Variants in PPP1R14C observed in about 807,000 individuals in gnomAD.
PPP1R14C encodes protein phosphatase 1 regulatory subunit 14C.
PPP1R14C carries 16 observed loss-of-function variants against 20.4 expected under a neutral mutation model. The observed-to-expected ratio is 0.78, with a 90% CI of 0.53 to 1.19. PPP1R14C has a LOEUF of 1.19. Ranked by LOEUF, PPP1R14C falls within the 50% of genes most tolerant of loss-of-function variation. The pLI is 0.00. For synonymous variants in PPP1R14C, 91 were observed against 91.0 expected (o/e 1.00, Z 0.00); for missense variants, 211 against 220.1 (o/e 0.96, Z 0.26).
chr6:150,188,111 G>A (rs1777698611), intron 1 of PPP1R14C, among the ~76,000 whole-genome samples: 1 of 152,128 alleles, frequency 6.6e-6, no homozygotes, highest in Non-Finnish European at 1.5e-5. Flanking sequence ...TATTATCAGG[G>A]TTTCTTTATT....
At chr6:150,221,848 C>T (rs1778171006) in intron 3 of PPP1R14C, among the ~76,000 whole-genome samples, 1 of 152,050 alleles carries the variant, frequency 6.6e-6, no homozygotes, top group Non-Finnish European at 1.5e-5. Flanking sequence ...GCCCAGGCTG[C>T]AGCGTGGTGG....
chr6:150,149,299 A>ATGTGTGTGTG (rs141854673), intron 1 of PPP1R14C, among the ~76,000 whole-genome samples: 2,557 of 147,414 alleles, frequency 0.017, 71 homozygotes, highest in African/African-American at 0.056. Context: ...CTCCATACAT[A>ATGTGTGTGTG]TGTGTGTGTG....
chr6:150,233,493 A>G (rs191260027), intron 3 of PPP1R14C, among the ~76,000 whole-genome samples: 2 of 152,342 alleles, frequency 1.3e-5, no homozygotes, highest in African/African-American at 4.8e-5. Flanking sequence ...TGAGCTATAT[A>G]GACATTTAAG....
chr6:150,212,560 A>G (rs756612018), intron 1 of PPP1R14C, among the ~76,000 whole-genome samples: 86 of 152,186 alleles, frequency 5.7e-4, no homozygotes, highest in Non-Finnish European at 8.8e-5. Flanking sequence ...TGCGGAGGGC[A>G]TTAGTTACTA....
chr6:150,179,008 G>A (rs1023856074), intron 1 of PPP1R14C, among the ~76,000 whole-genome samples: 2 of 152,100 alleles, frequency 1.3e-5, no homozygotes, highest in African/African-American at 2.4e-5. Flanking sequence ...AGTGTTTTTC[G>A]AAGCCTGTTC....
chr6:150,152,785 C>T (rs1008264474), intron 1 of PPP1R14C, among the ~76,000 whole-genome samples: 4 of 152,280 alleles, frequency 2.6e-5, no homozygotes, highest in African/African-American at 9.6e-5. Flanking sequence ...CCTTTGCAGC[C>T]CTGGTGACTC....
At chr6:150,205,747 G>GC (rs1777940129) in intron 1 of PPP1R14C, among the ~76,000 whole-genome samples, 1 of 148,278 alleles carries the variant, frequency 6.7e-6, no homozygotes, top group Non-Finnish European at 1.5e-5. Flanking sequence ...AGCCGAGATA[G>GC]CACCACTACA....
chr6:150,166,554 C>T (rs374210476), intron 1 of PPP1R14C, among the ~76,000 whole-genome samples: 2 of 152,304 alleles, frequency 1.3e-5, no homozygotes, highest in East Asian at 1.9e-4. Context: ...AGCAGATCCC[C>T]AAACTGGGGC....
intron 1 of PPP1R14C, among the ~76,000 whole-genome samples, chr6:150,179,632 G>T (rs1231907937): frequency 6.6e-6 from 1 of 151,608 alleles, no homozygotes; most frequent in Non-Finnish European, 1.5e-5. Flanking sequence ...TCTGCCATTG[G>T]TTCATGGGCT....
chr6:150,192,631 C>T (rs1211522818), intron 1 of PPP1R14C, among the ~76,000 whole-genome samples: 1 of 152,180 alleles, frequency 6.6e-6, no homozygotes, highest in African/African-American at 2.4e-5. Context: ...TGTTGCATGC[C>T]ACAAAACACC....
At chr6:150,202,571 T>C (rs1777891695) in intron 1 of PPP1R14C, among the ~76,000 whole-genome samples, 2 of 152,226 alleles carry the variant, frequency 1.3e-5, no homozygotes, top group African/African-American at 4.8e-5. Flanking sequence ...CGGCCGACTT[T>C]GCCGCTCCTT....
intron 1 of PPP1R14C, among the ~76,000 whole-genome samples, chr6:150,181,607 A>G (rs533909682): frequency 1.3e-5 from 2 of 152,166 alleles, no homozygotes; most frequent in Non-Finnish European, 2.9e-5. Flanking sequence ...TTTTAAAAAA[A>G]TTTTTTGCTG....
At chr6:150,205,308 C>G (rs1383991240) in intron 1 of PPP1R14C, among the ~76,000 whole-genome samples, 1 of 152,088 alleles carries the variant, frequency 6.6e-6, no homozygotes, top group Non-Finnish European at 1.5e-5. Context: ...ACCAACAGCC[C>G]CTGGGTACTT....
Position 150,185,859 on chromosome 6 carries a change from C to A in PPP1R14C, c.307-28885C>A, listed in dbSNP as rs1440905529. On this transcript the variant is annotated intron_variant, in intron 1 of 3. Transcript: ENST00000361131. This position sits in a 1 kb window ranked among gnomAD's most constrained non-coding sequence, Gnocchi z 4.1. ...CTAGGCTGCTGAGGCTCTGTGTAGA[C>A]ACATGTGGCCATGACTAGCAAGGCA... 6.6e-6 allele frequency among the ~76,000 whole-genome samples: 1 copy of A among 152,118 alleles called. No individual in the cohort carries two copies. The highest frequency in any genetic ancestry group is 1.5e-5 in the Non-Finnish European group (1 of 68,020).
chr6:150,192,200 G>T (rs938076898), intron 1 of PPP1R14C, among the ~76,000 whole-genome samples: 1 of 152,122 alleles, frequency 6.6e-6, no homozygotes, highest in Non-Finnish European at 1.5e-5. Flanking sequence ...TGGTTATTTT[G>T]TTGTCTCTAA....
intron 1 of PPP1R14C, among the ~76,000 whole-genome samples, chr6:150,151,509 C>T (rs1189355066): frequency 6.6e-6 from 1 of 152,154 alleles, no homozygotes; most frequent in Non-Finnish European, 1.5e-5. Context: ...TAGCAATGGT[C>T]ACTGTAGTCC....
intron 1 of PPP1R14C, among the ~76,000 whole-genome samples, chr6:150,149,678 T>C (rs1405098825): frequency 2.6e-5 from 4 of 152,096 alleles, no homozygotes; most frequent in African/African-American, 4.8e-5. Context: ...ACACCAAGCA[T>C]AGTACTTAGG....
intron 1 of PPP1R14C, among the ~76,000 whole-genome samples, chr6:150,191,367 G>A (rs1777744344): frequency 4.6e-5 from 7 of 152,194 alleles, no homozygotes; most frequent in Admixed American, 4.6e-4. Context: ...CCAGCATCTG[G>A]AACAATGCCT....
intron 3 of PPP1R14C, among the ~76,000 whole-genome samples, chr6:150,219,564 G>T (rs1469903008): frequency 6.6e-6 from 1 of 151,908 alleles, no homozygotes; most frequent in African/African-American, 2.4e-5. Flanking sequence ...ATTTTTTGTT[G>T]AACTCTCCAG....
Sources: allele counts gnomAD v4.1 joint callset (sites outside exome capture counted in the v4.1 genomes callset), GRCh38; gene constraint gnomAD v4.1.1; non-coding constraint Gnocchi (gnomAD v3.1); transcripts MANE v1.5; gene names NCBI Gene and HGNC (gene_info 2026-07-23, HGNC 2026-07-21).